Variants in STT3B observed in about 807,000 individuals in gnomAD.
STT3B encodes dolichyl-diphosphooligosaccharide--protein glycosyltransferase subunit STT3B.
In STT3B, 29 loss-of-function variants were observed where a neutral mutation model predicts 96.8. That is an observed-to-expected ratio of 0.30 (90% confidence interval 0.22 to 0.41). The LOEUF is 0.41. Ranked by LOEUF, STT3B falls within the 10% of genes least tolerant of loss-of-function variation. The pLI is 1.00. For missense variants in STT3B, 640 were observed against 1,022.3 expected, an observed-to-expected ratio of 0.63 and a Z score of 5.10; for synonymous variants, 367 against 360.0, an observed-to-expected ratio of 1.02 and a Z score of -0.22.
At chr3:31,606,943 G>T (rs1030759838) in intron 5 of STT3B, among the ~76,000 whole-genome samples, 1 of 152,166 alleles carries the variant, frequency 6.6e-6, no homozygotes, top group Non-Finnish European at 1.5e-5. Context: ...CCCACCTCTT[G>T]TATCAGCGTG....
intron 2 of STT3B, among the ~76,000 whole-genome samples, chr3:31,579,241 A>G (rs976564571): frequency 2.6e-5 from 4 of 151,998 alleles, no homozygotes; most frequent in Non-Finnish European, 4.4e-5. Flanking sequence ...TGGATTCACC[A>G]ACTGACTCTT....
intron 1 of STT3B, among the ~76,000 whole-genome samples, chr3:31,539,435 C>G (rs1014857387): frequency 6.6e-6 from 1 of 152,152 alleles, no homozygotes; most frequent in Non-Finnish European, 1.5e-5. Flanking sequence ...AAAGATAATT[C>G]AATTCAGTAT....
intron 1 of STT3B, among the ~76,000 whole-genome samples, chr3:31,561,534 G>A (rs1697878731): frequency 6.6e-6 from 1 of 151,868 alleles, no homozygotes; most frequent in African/African-American, 2.4e-5. Flanking sequence ...GAATTTTTTT[G>A]TGTGTGCCCA....
chr3:31,549,833 G>A (rs1006208121), intron 1 of STT3B, among the ~76,000 whole-genome samples: 9 of 152,042 alleles, frequency 5.9e-5, no homozygotes, highest in African/African-American at 2.2e-4. Flanking sequence ...TTGTGCGTGC[G>A]TTATATAAAG....
intron 1 of STT3B, among the ~76,000 whole-genome samples, chr3:31,562,916 G>A (rs1184181761): frequency 6.6e-6 from 1 of 152,178 alleles, no homozygotes; most frequent in Non-Finnish European, 1.5e-5. Flanking sequence ...GTGCTTTCGC[G>A]TGGACTTCAG....
At chr3:31,574,862 G>T (rs1698230943) in intron 1 of STT3B, among the ~76,000 whole-genome samples, 1 of 152,006 alleles carries the variant, frequency 6.6e-6, no homozygotes, top group African/African-American at 2.4e-5. Flanking sequence ...GGATGTGTAT[G>T]CTCTGCGGAA....
intron 1 of STT3B, 165 bp downstream of exon 1, chr3:31,533,477 C>T: frequency 2.3e-6 from 2 of 864,132 alleles, no homozygotes; most frequent in East Asian, 7.8e-5. Context: ...GCGCCCCCTG[C>T]CCGTGGGCGA....
rs565193056 is a variant in STT3B, at chr3:31,591,786, A to C, written c.712-5012A>C. On this transcript the variant is annotated intron_variant, in intron 3 of 15. Coordinates refer to ENST00000295770, the MANE Select transcript of STT3B (RefSeq NM_178862.3). The stretch of plus-strand genomic sequence containing the variant: ...GAAAACAATCAAGAGAGTCTTCTAT[A>C]TACTCCATATTTACCATTTCCAGTA... Among the ~76,000 whole-genome samples the C allele has an allele frequency of 2.0e-4, 31 of 152,260 alleles. 1 individual carries two copies. The South Asian group carries it at 6.2e-3, about 31-fold the overall frequency.
intron 1 of STT3B, among the ~76,000 whole-genome samples, chr3:31,534,327 G>A (rs1697029721): frequency 6.6e-6 from 1 of 152,130 alleles, no homozygotes; most frequent in African/African-American, 2.4e-5. Context: ...ACACTACATT[G>A]GTCTGTGAAT....
At chr3:31,581,186 T>C (rs1698375734) in intron 3 of STT3B, among the ~76,000 whole-genome samples, 1 of 152,170 alleles carries the variant, frequency 6.6e-6, no homozygotes, top group South Asian at 2.1e-4. Flanking sequence ...AAAAATGTGA[T>C]AGATAAGCTG....
At chr3:31,606,487 AG>A (rs756948908) in intron 5 of STT3B, among the ~76,000 whole-genome samples, 148 of 126,394 alleles carry the variant, frequency 1.2e-3, no homozygotes, top group Non-Finnish European at 2.2e-3. Context: ...AAAGGGGTTA[AG>A]GTACAGTTCA....
intron 3 of STT3B, among the ~76,000 whole-genome samples, chr3:31,586,668 A>G (rs753032484): frequency 7.9e-5 from 12 of 152,054 alleles, no homozygotes; most frequent in Non-Finnish European, 1.8e-4. Context: ...TGCTTTGGTA[A>G]CCTTGTCAAA....
At chr3:31,621,985 G>A (rs913224683) in intron 9 of STT3B, 112 bp from the exon 10 acceptor site, 21 of 725,360 alleles carry the variant, frequency 2.9e-5, no homozygotes, top group Non-Finnish European at 4.1e-5. Flanking sequence ...CAATTAGATC[G>A]TTTGTGAGAC....
rs1697616759 is a variant in STT3B, at chr3:31,553,315, G to A, written c.314+20003G>A. On this transcript the variant is annotated intron_variant, in intron 1 of 15. Transcript: ENST00000295770. ...AAAAAAGGCTTTTACAAGAATGCTT[G>A]TTCATATTTTATAAGAATGAATGTA... Among the ~76,000 whole-genome samples the A allele has an allele frequency of 2.0e-5, 3 of 152,082 alleles. No individual in the cohort carries two copies. In the South Asian group the frequency reaches 6.2e-4, roughly 31 times the overall value.
intron 12 of STT3B, among the ~76,000 whole-genome samples, chr3:31,625,706 T>C (rs1290121717): frequency 1.3e-5 from 2 of 152,214 alleles, no homozygotes; most frequent in South Asian, 4.1e-4. Flanking sequence ...AATGTTAATG[T>C]TATAGAACTT....
At chr3:31,612,362 G>A (rs1369928554) in intron 5 of STT3B, among the ~76,000 whole-genome samples, 2 of 152,182 alleles carry the variant, frequency 1.3e-5, no homozygotes, top group Non-Finnish European at 2.9e-5. Context: ...AAATGCTTAT[G>A]TTTGGATTGT....
intron 5 of STT3B, among the ~76,000 whole-genome samples, chr3:31,607,767 T>TGTC (rs745502784): frequency 6.6e-6 from 1 of 151,468 alleles, no homozygotes; most frequent in Non-Finnish European, 1.5e-5. Context: ...TTGTGGTTGT[T>TGTC]GTTGTTTGTA....
At position 31,629,431 on chromosome 3, in the gene STT3B, C is replaced by T; in HGVS notation, c.2187+20C>T. Reference sequence around the variant, plus strand: ...ATGCAGGTTAGTTAAATCCATTTTTCTCTAATTTTCATTCAAAATAATGTT... The same window carrying T: ...ATGCAGGTTAGTTAAATCCATTTTTTTCTAATTTTCATTCAAAATAATGTT... On this transcript the variant is annotated intron_variant, in intron 14 of 15. Transcript: ENST00000295770. 1 of 1,328,184 alleles carries T rather than the reference C, an allele frequency of 7.5e-7. No individual in the cohort carries two copies. Among genetic ancestry groups the T allele is most frequent in the Non-Finnish European group, 1.1e-6 (1 of 937,752 alleles). The allele number at this position is 1,328,184 out of a possible 1,614,324, so 82.3% of individuals were successfully genotyped here. A position where few individuals can be genotyped will look rare whatever the true frequency, so the allele number is the denominator to read the frequency against.
At chr3:31,612,053 T>A (rs958085391) in intron 5 of STT3B, among the ~76,000 whole-genome samples, 2 of 152,192 alleles carry the variant, frequency 1.3e-5, no homozygotes, top group Non-Finnish European at 2.9e-5. Context: ...ACTCCTAATT[T>A]GAAAATTCAA....
Sources: gnomAD v4.1 joint callset for allele counts (sites outside exome capture counted in the v4.1 genomes callset) on GRCh38, gnomAD v4.1.1 for gene constraint, MANE v1.5 for transcripts, NCBI Gene and HGNC (gene_info 2026-07-23, HGNC 2026-07-21) for gene names.